Variants in TTN observed in about 807,000 individuals in gnomAD.
TTN encodes the protein titin.
In TTN, 1,525 loss-of-function variants were observed where a neutral mutation model predicts 3,223.0. The ratio of observed to expected loss-of-function variants is 0.47; its 90% CI spans 0.45 to 0.49. TTN has a LOEUF of 0.49. TTN is among the 20% of genes least tolerant of loss of function. TTN has a pLI of 0.00. For missense variants in TTN, 40,786 were observed against 43,424.0 expected, an observed-to-expected ratio of 0.94 and a Z score of 5.40; for synonymous variants, 14,094 against 15,161.0, an observed-to-expected ratio of 0.93 and a Z score of 5.17.
chr2:178,740,574 G>A lies in TTN; in HGVS notation c.12659C>T (p.Pro4220Leu). 6.2e-7 allele frequency: 1 copy of A among 1,613,844 alleles called. No individual in the cohort carries two copies. The highest frequency in any genetic ancestry group is 1.3e-5 in the African/African-American group (1 of 75,034). The stretch of plus-strand genomic sequence containing the variant: ...AGAGGTTAGATAAGAATGCATTGGA[G>A]GTTCTATTGAAGACTGTGGATAATT... ...EGNYPQSSIEPPMHSYLTSVA... is the reference protein window; with the variant it reads ...EGNYPQSSIELPMHSYLTSVA... The change falls in exon 48 of 363, where the codon CCT becomes CTT. Residue 4220 changes from proline (P) to leucine (L), a missense_variant. Physicochemically the swap from Pro to Leu is moderately conservative, Grantham distance 98. Coordinates refer to ENST00000589042, the MANE Select transcript of TTN (RefSeq NM_001267550.2).
intron 115 of TTN, 80 bp downstream of exon 115, chr2:178,695,268 C>T: frequency 9.0e-7 from 1 of 1,116,442 alleles, no homozygotes; most frequent in Middle Eastern, 2.1e-4. Context: ...GATTGAACTG[C>T]TGATTTATAC....
chr2:178,577,947 G>A, intron 322 of TTN, 41 bp downstream of exon 322: 1 of 1,593,562 alleles, frequency 6.3e-7, no homozygotes, highest in Non-Finnish European at 8.5e-7. Context: ...TTTTCTTCAT[G>A]TAAAACATGC....
At chr2:178,748,328 C>CT in intron 47 of TTN, 1 of 1,612,964 alleles carries the variant, frequency 6.2e-7, no homozygotes, top group Non-Finnish European at 8.5e-7. Flanking sequence ...ATCAATACTA[C>CT]TTTTCTCCAC....
At position 178,563,912 on chromosome 2, in the gene TTN, A is replaced by G. The variant is rs376037252; in HGVS notation, c.82220T>C (p.Ile27407Thr). ...DGGANISHYI[I>T]EKRETSRLSW... is the part of the protein sequence containing the mutation. ...GAGTCGGCTTGTCTCCCTCTTTTCA[A>G]TGATGTAATGTGAAATATTAGCACC... The change falls in exon 326 of 363, where the codon ATT becomes ACT. Residue 27407 changes from isoleucine (I) to threonine (T), a missense_variant. Physicochemically the swap from Ile to Thr is moderately conservative, Grantham distance 89. Transcript: ENST00000589042. This position sits in a 1 kb window ranked among gnomAD's most constrained non-coding sequence, Gnocchi z 4.5. 122 of 1,613,692 alleles carry G rather than the reference A, an allele frequency of 7.6e-5. No homozygotes were observed. Among genetic ancestry groups the G allele is most frequent in the Non-Finnish European group, 9.8e-5 (116 of 1,179,724 alleles).
chr2:178,575,659 T>C lies in TTN; in HGVS notation c.70473A>G (p.Lys23491=), dbSNP rs397517685. 1.2e-5 allele frequency: 19 copies of C among 1,613,492 alleles called. No homozygotes were observed. In the South Asian group the frequency reaches 2.1e-4, roughly 18 times the overall value. The change falls in exon 326 of 363, where the codon AAA becomes AAG. Residue 23491 remains lysine (K), a synonymous_variant. Coordinates refer to ENST00000589042, the MANE Select transcript of TTN (RefSeq NM_001267550.2). The surrounding 1 kb of genome is among the most constrained non-coding windows in gnomAD (Gnocchi z 4.0). ...ACAAGCCGGTAACTTTATATGTGCA[T>C]TTATGGCACTTAGTGGTGGCTGTGG... ...SYSTATTKCH[K]CTYKVTGLSE...
rs766059820 is a variant in TTN at position 178,572,408 on chromosome 2, T to C, written c.73724A>G (p.Lys24575Arg). ...AYSTVATNCH[K>R]TSWKVDQLQE... ...AAGCTGGTCTACCTTCCAGGAAGTC[T>C]TGTGGCAGTTTGTTGCAACAGTTGA... is the stretch of plus-strand genomic sequence containing the variant. Residue 24575 changes from lysine to arginine, a missense_variant, in exon 326 of 363, where the codon AAG becomes AGG. Lys to Arg is a conservative substitution (Grantham distance 26, BLOSUM62 2). Coordinates refer to ENST00000589042, the MANE Select transcript of TTN (RefSeq NM_001267550.2). 3 of 1,612,988 alleles carry C rather than the reference T, an allele frequency of 1.9e-6. No homozygotes were observed. The Admixed American group carries it at 5.0e-5, about 27-fold the overall frequency.
chr2:178,563,101 GA>G lies in TTN; in HGVS notation c.83030del (p.Leu27677ProfsTer46). 1 of 1,613,680 alleles carries G rather than the reference GA, an allele frequency of 6.2e-7. No individual in the cohort carries two copies. Among genetic ancestry groups the G allele is most frequent in the Non-Finnish European group, 8.5e-7 (1 of 1,179,718 alleles). ...CGACCACCTTTCTGAGATCAGCATC[GA>G]GTTCTATTTCTGGTGGCTCTATCCT... Reference protein sequence around the residue: ...QERIEPPEIELDADLRKVVVL... With the variant: ...QERIEPPEIEXDADLRKVVVL... On this transcript the variant is annotated frameshift_variant, in exon 326 of 363. Coordinates refer to ENST00000589042, the MANE Select transcript of TTN (RefSeq NM_001267550.2). LOFTEE classifies it high-confidence loss of function. The surrounding 1 kb of genome is among the most constrained non-coding windows in gnomAD (Gnocchi z 4.5).
At chr2:178,803,875 A>G (rs1211805088) in intron 2 of TTN, among the ~76,000 whole-genome samples, 1 of 152,170 alleles carries the variant, frequency 6.6e-6, no homozygotes, top group East Asian at 1.9e-4. Flanking sequence ...AGTTATGAGG[A>G]AGAAAAAGAA....
intron 336 of TTN, 72 bp downstream of exon 336, chr2:178,550,895 C>T (rs1226073612): frequency 2.1e-6 from 3 of 1,442,494 alleles, no homozygotes; most frequent in Non-Finnish European, 2.8e-6. Flanking sequence ...ATTTTACAGG[C>T]CAGGGGCCAA....
rs759755771 is a variant in TTN at position 178,552,846 on chromosome 2, G to A, written c.90054C>T (p.Pro30018=). Residue 30018 remains proline (P), a synonymous_variant, in exon 335 of 363, where the codon CCC becomes CCT. Transcript: ENST00000589042. ...CCTTCACTGGCTCTGTAGTTTCACA[G>A]GGTTCCCCAATTCCAATTTCATTTT... ...LAENEIGIGE[P]CETTEPVKAA... is the part of the protein sequence containing the mutation. The A allele has an allele frequency of 2.5e-6, 4 of 1,613,702 alleles. No individual in the cohort carries two copies. Among genetic ancestry groups the A allele is most frequent in the Non-Finnish European group, 3.4e-6 (4 of 1,179,828 alleles).
In TTN at chr2:178,630,885, T is replaced by C; in HGVS notation, c.44073A>G (p.Thr14691=). 1 of 1,613,332 alleles carries C rather than the reference T, an allele frequency of 6.2e-7. No individual in the cohort carries two copies. The highest frequency in any genetic ancestry group is 8.5e-7 in the Non-Finnish European group (1 of 1,179,526). Residue 14691 remains threonine, a synonymous_variant, in exon 238 of 363, where the codon ACA becomes ACG. Transcript: ENST00000589042. ...CAGAGATTTCGGTTTCAAAGCGTGC[T>C]GTCTCAGTCTCCATCACCTCCACAC... ...LHSVEVMETE[T]ARFETEISED...
chr2:178,663,178 T>C, intron 173 of TTN, 88 bp downstream of exon 173: 4 of 1,600,662 alleles, frequency 2.5e-6, no homozygotes, highest in Non-Finnish European at 8.5e-7. Flanking sequence ...AATTATATCA[T>C]CTTTATGTAG....
rs746824077 is a variant in TTN, at chr2:178,552,329, T to C, written c.90571A>G (p.Ile30191Val). ...CCATGCTCCTTCTTGGCATTCTTAA[T>C]ACTCAAAGTAATTTTGTTTTCAGTT... The part of the protein sequence containing the change: ...SKTENKITLS[I>V]KNAKKEHGGK... The change falls in exon 335 of 363, where the codon ATT (isoleucine) becomes GTT (valine). Residue 30191 changes from isoleucine (I) to valine (V), a missense_variant. By Grantham distance (29) the Ile-to-Val change is conservative. Transcript: ENST00000589042. 5 of 1,604,476 alleles carry C rather than the reference T, an allele frequency of 3.1e-6. No homozygotes were observed. In the South Asian group the frequency reaches 4.5e-5, roughly 14 times the overall value.
In TTN at chr2:178,782,871, C is replaced by T. The variant is rs368885310; in HGVS notation, c.3035G>A (p.Arg1012Gln). 33 of 1,613,944 alleles carry T rather than the reference C, an allele frequency of 2.0e-5. 1 individual carries two copies. In the African/African-American group the frequency reaches 2.1e-4, roughly 10 times the overall value. ...CTCATTTACAGCACTGCAAGTAAAT[C>T]GCCCGCTGTCTTCCGCAAATGCTTC... ...IREAFAEDSG[R>Q]FTCSAVNEAG... Residue 1012 changes from arginine to glutamine, a missense_variant, in exon 18 of 363, where the codon CGA becomes CAA. Coordinates refer to ENST00000589042, the MANE Select transcript of TTN (RefSeq NM_001267550.2).
Position 178,533,400 on chromosome 2 carries a change from G to T in TTN, c.103215C>A (p.Leu34405=), listed in dbSNP as rs748516187. 6.2e-7 allele frequency: 1 copy of T among 1,613,760 alleles called. No individual in the cohort carries two copies. The highest frequency in any genetic ancestry group is 1.3e-5 in the African/African-American group (1 of 75,036). The change falls in exon 358 of 363, where the codon CTC becomes CTA. Residue 34405 remains leucine (L), a synonymous_variant. Coordinates refer to ENST00000589042, the MANE Select transcript of TTN (RefSeq NM_001267550.2). ...CATGGATAATTTCAATGTTAGGCCC[G>T]AGGGACAGTGGCTGACCATCTTTCT... is the stretch of plus-strand genomic sequence containing the variant. The part of the protein sequence containing the change: ...KWEKDGQPLS[L]GPNIEIIHEG...
chr2:178,598,437 G>A (rs958287971), intron 292 of TTN, 69 bp downstream of exon 292: 33 of 1,535,152 alleles, frequency 2.1e-5, no homozygotes, highest in Non-Finnish European at 2.9e-5. Context: ...GAAGTTAATG[G>A]GATTGAGAAT....
Position 178,608,606 on chromosome 2 carries a change from C to T in TTN, c.52405G>A (p.Gly17469Arg). Residue 17469 changes from glycine to arginine, a missense_variant and splice_region_variant, in exon 274 of 363, where the codon GGA becomes AGA. Physicochemically the swap from Gly to Arg is moderately radical, Grantham distance 125. Transcript: ENST00000589042. ...SKPLVAKDPF[G>R]PPDAPDKPIV... ...ACTTTAGATGCCAAAGGAAACTTAC[C>T]AAATGGATCTTTAGCCACAAGTGGC... 1.2e-6 allele frequency: 2 copies of T among 1,608,442 alleles called. No individual in the cohort carries two copies. Among genetic ancestry groups the T allele is most frequent in the Non-Finnish European group, 1.7e-6 (2 of 1,177,712 alleles).
rs769994195 is a variant in TTN, at chr2:178,663,271, G to T, written c.36695C>A (p.Pro12232His). The T allele has an allele frequency of 4.5e-6, 7 of 1,562,074 alleles. No homozygotes were observed. The highest frequency in any genetic ancestry group is 1.4e-5 in the African/African-American group (1 of 70,898). Residue 12232 changes from proline (P) to histidine (H), a missense_variant, in exon 173 of 363, where the codon CCT becomes CAT. Pro to His is a moderately conservative substitution (Grantham distance 77). Coordinates refer to ENST00000589042, the MANE Select transcript of TTN (RefSeq NM_001267550.2). ...TTGTATAGCTTTGGCATTACCTTCA[G>T]GGGGAGGACTTTCCGGTTTGGGAGG... ...AIPPKPESPP[P>H]EVPEVLPPKE...
intron 115 of TTN, 64 bp from the exon 116 acceptor site, chr2:178,694,970 A>G (rs1488421851): frequency 2.6e-6 from 3 of 1,143,898 alleles, no homozygotes; most frequent in African/African-American, 1.6e-5. Flanking sequence ...CTCTCTCTCT[A>G]TCTCTCTCTC....
Sources: gnomAD v4.1 joint callset for allele counts (sites outside exome capture counted in the v4.1 genomes callset) on GRCh38, gnomAD v4.1.1 for gene constraint, Gnocchi (gnomAD v3.1) non-coding constraint, MANE v1.5 for transcripts, NCBI Gene and HGNC (gene_info 2026-07-23, HGNC 2026-07-21) for gene names.